The following PAPLN variants were observed in gnomAD, a reference collection of about 807,000 sequenced individuals.
PAPLN encodes papilin.
PAPLN carries 146 observed loss-of-function variants against 159.0 expected under a neutral mutation model. The ratio of observed to expected loss-of-function variants is 0.92; its 90% CI spans 0.80 to 1.05. The LOEUF is 1.05. Among genes scored for constraint, PAPLN ranks in the 50% least tolerant of loss-of-function variants. The pLI is 0.00. For synonymous variants in PAPLN, 734 were observed against 702.9 expected, an observed-to-expected ratio of 1.04 and a Z score of -0.70; for missense variants, 1,720 against 1,743.9, an observed-to-expected ratio of 0.99 and a Z score of 0.24.
rs1294756326 is a variant in PAPLN at position 73,254,431 on chromosome 14, G to A, written c.1303-82G>A. 3 of 1,547,972 alleles carry A rather than the reference G, an allele frequency of 1.9e-6. No homozygotes were observed. In the Admixed American group the frequency reaches 5.2e-5, roughly 27 times the overall value. Reference sequence around the variant, plus strand: ...TTGGGTGCTATCTGCCTCCACACCAGGCTGGTGGGCCGCTAGCTGTCCGAA... The same window carrying A: ...TTGGGTGCTATCTGCCTCCACACCAAGCTGGTGGGCCGCTAGCTGTCCGAA... On this transcript the variant is annotated intron_variant, in intron 12 of 26. Coordinates refer to ENST00000644200, the MANE Select transcript of PAPLN (RefSeq NM_001365906.3).
At chr14:73,239,108 C>T (rs905179246) in intron 1 of PAPLN, among the ~76,000 whole-genome samples, 1 of 152,072 alleles carries the variant, frequency 6.6e-6, no homozygotes, top group Non-Finnish European at 1.5e-5. Flanking sequence ...ACCACAGACA[C>T]TCCACACACA....
At chr14:73,244,957 T>G (rs767259414) in intron 3 of PAPLN, 198 bp downstream of exon 3, 4 of 496,528 alleles carry the variant, frequency 8.1e-6, no homozygotes, top group Non-Finnish European at 1.1e-5. Flanking sequence ...CACTCTGAGC[T>G]GGAGCACGCG....
At chr14:73,238,281 G>A (rs1459352365) in intron 1 of PAPLN, among the ~76,000 whole-genome samples, 1 of 152,218 alleles carries the variant, frequency 6.6e-6, no homozygotes, top group Non-Finnish European at 1.5e-5. Context: ...CGCGTTCCCC[G>A]GGAACAACAC....
At chr14:73,263,571 G>A (rs551546615) in intron 19 of PAPLN, 74 bp from the exon 20 acceptor site, 3 of 1,593,818 alleles carry the variant, frequency 1.9e-6, no homozygotes, top group East Asian at 4.5e-5. Context: ...TGTCTGTCAT[G>A]GAACACACTG....
chr14:73,245,994 C>A lies in PAPLN; in HGVS notation c.232-79C>A. On this transcript the variant is annotated intron_variant, in intron 4 of 26. Transcript: ENST00000644200. The surrounding 1 kb of genome is among the most constrained non-coding windows in gnomAD (Gnocchi z 4.2). ...GCAGGCAAGGGAGACTCCTGGGCTC[C>A]CTGGGCTCGGGCGGGGCGGGAGGTG... 1 of 1,383,132 alleles carries A rather than the reference C, an allele frequency of 7.2e-7. No individual in the cohort carries two copies. The highest frequency in any genetic ancestry group is 1.4e-5 in the South Asian group (1 of 69,662). The allele number at this position is 1,383,132 out of a possible 1,614,324, so 85.7% of individuals were successfully genotyped here.
At chr14:73,270,720 A>G (rs1566713198) in intron 26 of PAPLN, among the ~76,000 whole-genome samples, 1 of 152,098 alleles carries the variant, frequency 6.6e-6, no homozygotes, top group Non-Finnish European at 1.5e-5. Flanking sequence ...CCAAACTACA[A>G]TGAGAAACTT....
In PAPLN at chr14:73,259,254, GCTT is replaced by G. The variant is rs773097205; in HGVS notation, c.1709-8_1709-6del. 1.2e-5 allele frequency: 18 copies of G among 1,539,458 alleles called. No homozygotes were observed. Among genetic ancestry groups the G allele is most frequent in the East Asian group, 4.6e-5 (2 of 43,712 alleles). On this transcript the variant is annotated splice_polypyrimidine_tract_variant and intron_variant, in intron 15 of 26. Coordinates refer to ENST00000644200, the MANE Select transcript of PAPLN (RefSeq NM_001365906.3). Reference sequence around the variant, plus strand: ...CAGGTGGACGCACTGTGTGTCTTTTGCTTCTTCTTTCTAGACTCCAGAGGCCAG... The same window carrying G: ...CAGGTGGACGCACTGTGTGTCTTTTGCTTCTTTCTAGACTCCAGAGGCCAG...
At chr14:73,253,104 C>T in intron 11 of PAPLN, 1 of 1,403,590 alleles carries the variant, frequency 7.1e-7, no homozygotes, top group South Asian at 1.1e-5. Context: ...AGGGGTGGGC[C>T]AGGGGTCAGG....
chr14:73,242,382 G>A (rs1200453139), intron 2 of PAPLN, among the ~76,000 whole-genome samples: 1 of 152,244 alleles, frequency 6.6e-6, no homozygotes, highest in Non-Finnish European at 1.5e-5. Flanking sequence ...CCAGGGAAGG[G>A]TGGATTTTGC....
intron 14 of PAPLN, among the ~76,000 whole-genome samples, chr14:73,255,638 G>T (rs917695494): frequency 2.1e-5 from 3 of 145,598 alleles, no homozygotes; most frequent in Non-Finnish European, 4.6e-5. Context: ...CCACATTGAG[G>T]AAGGGTGTGG....
At position 73,252,661 on chromosome 14, in the gene PAPLN, G is replaced by A. The variant is rs779849505; in HGVS notation, c.980G>A (p.Arg327His). 1.3e-5 allele frequency: 21 copies of A among 1,612,782 alleles called. No homozygotes were observed. Among genetic ancestry groups the A allele is most frequent in the South Asian group, 1.2e-4 (11 of 91,080 alleles). The change falls in exon 11 of 27, where the codon CGC (arginine) becomes CAC (histidine). Residue 327 changes from arginine (R) to histidine (H), a missense_variant. By Grantham distance (29) the Arg-to-His change is conservative. Coordinates refer to ENST00000644200, the MANE Select transcript of PAPLN (RefSeq NM_001365906.3). ...GGCCTCTGCGCAGGTCACCAGTCCC[G>A]CCTGGTGTTCTGCACCATCGACCAT... ...SAECGGGHQS[R>H]LVFCTIDHEA... is the part of the protein sequence containing the mutation.
rs1342445809 is a variant in PAPLN at position 73,252,890 on chromosome 14, C to T, written c.1094+115C>T. 4 of 1,503,838 alleles carry T rather than the reference C, an allele frequency of 2.7e-6. No homozygotes were observed. The African/African-American group carries it at 5.5e-5, about 21-fold the overall frequency. The allele number at this position is 1,503,838 out of a possible 1,614,324, so 93.2% of individuals were successfully genotyped here. On this transcript the variant is annotated intron_variant, in intron 11 of 26. Coordinates refer to ENST00000644200, the MANE Select transcript of PAPLN (RefSeq NM_001365906.3). ...ACAAAGAGGTGGGGGTCCAGGGCCC[C>T]CCACGCTGTGGCTGGGGTGTGGGAG...
chr14:73,269,317 G>A (rs1169811679), intron 26 of PAPLN, among the ~76,000 whole-genome samples: 1 of 150,756 alleles, frequency 6.6e-6, no homozygotes, highest in Non-Finnish European at 1.5e-5. Flanking sequence ...TTACCCCCAC[G>A]AAATTACTAT....
At chr14:73,272,367 A>C in intron 26 of PAPLN, 128 bp from the exon 27 acceptor site, 1 of 841,262 alleles carries the variant, frequency 1.2e-6, no homozygotes, top group Non-Finnish European at 1.8e-6. Context: ...TTACAGGGTA[A>C]GTGCACTTCG....
At position 73,264,655 on chromosome 14, in the gene PAPLN, G is replaced by A; in HGVS notation, c.3054G>A (p.Gln1018=). The A allele has an allele frequency of 6.2e-7, 1 of 1,608,044 alleles. No homozygotes were observed. The highest frequency in any genetic ancestry group is 8.5e-7 in the Non-Finnish European group (1 of 1,178,560). ...TCCCTCAGCCCAGGGACCCAGCTCA[G>A]GACTTTGGCCAAGCGGGGGCTGCTG... ...SRFPQPRDPA[Q]DFGQAGAAGP... The change falls in exon 22 of 27, where the codon CAG becomes CAA. Residue 1018 remains glutamine, a synonymous_variant. Coordinates refer to ENST00000644200, the MANE Select transcript of PAPLN (RefSeq NM_001365906.3).
rs1488146510 is a variant in PAPLN, at chr14:73,261,945, C to T, written c.2246-405C>T. On this transcript the variant is annotated intron_variant, in intron 18 of 26. Coordinates refer to ENST00000644200, the MANE Select transcript of PAPLN (RefSeq NM_001365906.3). ...GGGACAAGGGCATGCCCTTGCTGGG[C>T]ATCTTCACACGCCCTGGGTGGCTCA... 1.5e-5 allele frequency: 3 copies of T among 193,678 alleles called. No individual in the cohort carries two copies. In the East Asian group the frequency reaches 4.5e-4, roughly 29 times the overall value. The allele number at this position is 193,678 out of a possible 1,614,324, so 12.0% of individuals were successfully genotyped here.
chr14:73,259,788 A>C (rs1446783778), intron 16 of PAPLN, among the ~76,000 whole-genome samples: 1 of 152,176 alleles, frequency 6.6e-6, no homozygotes, highest in Non-Finnish European at 1.5e-5. Flanking sequence ...GCAGAGTGTC[A>C]GCGTGTGGAA....
chr14:73,242,041 C>T (rs777272717), intron 2 of PAPLN, among the ~76,000 whole-genome samples: 5 of 152,372 alleles, frequency 3.3e-5, no homozygotes, highest in East Asian at 1.9e-4. Flanking sequence ...TCCGGCTTCA[C>T]GCCATGTCGG....
At chr14:73,238,224 C>T (rs1883179893) in intron 1 of PAPLN, among the ~76,000 whole-genome samples, 1 of 152,214 alleles carries the variant, frequency 6.6e-6, no homozygotes, top group Admixed American at 6.5e-5. Flanking sequence ...CGCCTTCCCG[C>T]CCTCTGGCGC....
Sources: gnomAD v4.1 joint callset for allele counts (sites outside exome capture counted in the v4.1 genomes callset) on GRCh38, gnomAD v4.1.1 for gene constraint, Gnocchi (gnomAD v3.1) non-coding constraint, MANE v1.5 for transcripts, NCBI Gene and HGNC (gene_info 2026-07-23, HGNC 2026-07-21) for gene names.